UMAD1: variants seen among roughly 807,000 people sequenced by gnomAD.
UMAD1 encodes UBAP1-MVB12-associated (UMA)-domain containing protein 1.
A neutral mutation model predicts 6.1 loss-of-function variants in UMAD1; 8 were observed. The ratio of observed to expected loss-of-function variants is 1.30; its 90% confidence interval spans 0.76 to 2.35. UMAD1 has a LOEUF of 2.35. UMAD1 is among the 30% of genes most tolerant of loss of function. The probability of loss-of-function intolerance (pLI) is 0.00; values close to 1 mark genes in which losing one functional copy is unlikely to be tolerated. For missense variants in UMAD1, 130 were observed against 78.4 expected, an observed-to-expected ratio of 1.66 and a Z score of -2.49; for synonymous variants, 56 against 31.4, an observed-to-expected ratio of 1.78 and a Z score of -2.61.
chr7:7,706,389 G>C (rs968600219), intron 2 of UMAD1, among the ~76,000 whole-genome samples: 1 of 152,092 alleles, frequency 6.6e-6, no homozygotes, highest in African/African-American at 2.4e-5. Flanking sequence ...GAGAGAGAGA[G>C]AAGTTCAGGA....
At chr7:7,653,505 CA>C (rs28916268) in intron 1 of UMAD1, among the ~76,000 whole-genome samples, 4 of 151,942 alleles carry the variant, frequency 2.6e-5, no homozygotes, top group Non-Finnish European at 4.4e-5. Context: ...TATAGCATTA[CA>C]AAAAAAACCT....
rs554516632 is a variant in UMAD1, at chr7:7,725,819, G to A, written c.82+52366G>A. Among the ~76,000 whole-genome samples the A allele has an allele frequency of 6.6e-5, 10 of 152,310 alleles. No individual in the cohort carries two copies. The East Asian group carries it at 1.7e-3, about 26-fold the overall frequency. ...GACTGCACCAATGGCCTTTTGGGGA[G>A]TTCCCTATGATCAGTTGACGTAGGA... On this transcript the variant is annotated intron_variant, in intron 2 of 3. Coordinates refer to ENST00000682710, the MANE Select transcript of UMAD1 (RefSeq NM_001302348.2).
At chr7:7,843,286 C>T (rs532032532) in intron 3 of UMAD1, among the ~76,000 whole-genome samples, 16 of 152,292 alleles carry the variant, frequency 1.1e-4, no homozygotes, top group Admixed American at 3.3e-4. Context: ...AGATTCACTG[C>T]GAAGTTGAAC....
intron 1 of UMAD1, among the ~76,000 whole-genome samples, chr7:7,663,516 A>AG (rs1491443935): frequency 1.3e-5 from 2 of 151,746 alleles, no homozygotes; most frequent in African/African-American, 4.9e-5. Flanking sequence ...ACGGAAAAAC[A>AG]GGGGGAGAGT....
chr7:7,838,749 C>T (rs1319626273), intron 3 of UMAD1, among the ~76,000 whole-genome samples: 1 of 152,130 alleles, frequency 6.6e-6, no homozygotes, highest in Non-Finnish European at 1.5e-5. Flanking sequence ...ATGAAATACT[C>T]TTAAGGATAT....
chr7:7,846,389 A>G (rs1441826337), intron 3 of UMAD1, among the ~76,000 whole-genome samples: 2 of 152,148 alleles, frequency 1.3e-5, no homozygotes, highest in Non-Finnish European at 2.9e-5. Context: ...TCATAGTGAC[A>G]TCTTATTTTC....
At chr7:7,687,073 C>G (rs1446591301) in intron 2 of UMAD1, among the ~76,000 whole-genome samples, 2 of 152,178 alleles carry the variant, frequency 1.3e-5, no homozygotes, top group African/African-American at 4.8e-5. Context: ...ATGTGAGACA[C>G]AAAGTTCTGT....
chr7:7,641,952 T>C (rs1255792831), intron 1 of UMAD1, among the ~76,000 whole-genome samples: 2 of 152,228 alleles, frequency 1.3e-5, no homozygotes, highest in Non-Finnish European at 1.5e-5. Flanking sequence ...AACGGTACTT[T>C]AAAGGATTTC....
At chr7:7,664,271 T>C (rs1779378290) in intron 1 of UMAD1, among the ~76,000 whole-genome samples, 1 of 152,214 alleles carries the variant, frequency 6.6e-6, no homozygotes, top group Non-Finnish European at 1.5e-5. Context: ...TCTTTTCTCA[T>C]TCAAACTTCA....
At chr7:7,763,721 G>T (rs183362076) in intron 2 of UMAD1, among the ~76,000 whole-genome samples, 222 of 152,188 alleles carry the variant, frequency 1.5e-3, no homozygotes, top group African/African-American at 5.1e-3. Context: ...TACTAAAACT[G>T]CAAAATTAGT....
In UMAD1 at chr7:7,758,370, A is replaced by C. The variant is rs993742366; in HGVS notation, c.83-43300A>C. 5.3e-5 allele frequency among the ~76,000 whole-genome samples: 8 copies of C among 152,276 alleles called. No homozygotes were observed. In the East Asian group the frequency reaches 7.7e-4, roughly 15 times the overall value. ...CTGTTTATGCTGAATTTTTATAGCG[A>C]AGATCTTAAGAAAGTGTAAAAGCTG... On this transcript the variant is annotated intron_variant, in intron 2 of 3. Coordinates refer to ENST00000682710, the MANE Select transcript of UMAD1 (RefSeq NM_001302348.2).
At chr7:7,825,171 C>T (rs1266457054) in intron 3 of UMAD1, among the ~76,000 whole-genome samples, 1 of 152,004 alleles carries the variant, frequency 6.6e-6, no homozygotes, top group African/African-American at 2.4e-5. Context: ...TGTAATCTTC[C>T]TACAGGAAAA....
chr7:7,833,626 A>G (rs1352669388), intron 3 of UMAD1, among the ~76,000 whole-genome samples: 1 of 152,312 alleles, frequency 6.6e-6, no homozygotes, highest in East Asian at 1.9e-4. Flanking sequence ...GGTAATTACC[A>G]TACTATGGCA....
chr7:7,736,241 T>A (rs191890994), intron 2 of UMAD1: 6 of 152,446 alleles, frequency 3.9e-5, no homozygotes, highest in Admixed American at 1.3e-4. Flanking sequence ...TTTTTGAAAG[T>A]GTCTGCTGGT....
intron 3 of UMAD1, among the ~76,000 whole-genome samples, chr7:7,859,003 C>A (rs1272400168): frequency 6.6e-6 from 1 of 152,096 alleles, no homozygotes; most frequent in Non-Finnish European, 1.5e-5. Context: ...AATGAAAATA[C>A]CCCCCAGCAA....
At chr7:7,809,621 C>T (rs1469996221) in intron 3 of UMAD1, among the ~76,000 whole-genome samples, 2 of 151,904 alleles carry the variant, frequency 1.3e-5, no homozygotes, top group East Asian at 3.8e-4. Flanking sequence ...AGTCACCATT[C>T]TGTGCATTAG....
intron 2 of UMAD1, among the ~76,000 whole-genome samples, chr7:7,758,565 G>T (rs66778150): frequency 0.17 from 25,517 of 152,094 alleles, 2,179 homozygotes; most frequent in Non-Finnish European, 0.18. Context: ...CTCCATTGAA[G>T]AAGCCATTCA....
chr7:7,763,003 C>T (rs1438377775), intron 2 of UMAD1, among the ~76,000 whole-genome samples: 4 of 151,796 alleles, frequency 2.6e-5, no homozygotes, highest in African/African-American at 9.7e-5. Flanking sequence ...TGATATAAAA[C>T]AGGAGTTTTA....
At chr7:7,745,762 C>T (rs772129723) in intron 2 of UMAD1, among the ~76,000 whole-genome samples, 7 of 152,154 alleles carry the variant, frequency 4.6e-5, no homozygotes, top group South Asian at 2.1e-4. Context: ...TAGTCTAGTA[C>T]GATGACAAAT....
Sources: gnomAD v4.1 joint callset for allele counts (sites outside exome capture counted in the v4.1 genomes callset) on GRCh38, gnomAD v4.1.1 for gene constraint, MANE v1.5 for transcripts, NCBI Gene and HGNC (gene_info 2026-07-23, HGNC 2026-07-21) for gene names.